Variants in KCNH1 observed in about 807,000 individuals in gnomAD.
KCNH1 encodes the protein potassium voltage-gated channel subfamily H member 1.
KCNH1 carries 27 observed loss-of-function variants against 69.2 expected under a neutral mutation model. That is an observed-to-expected ratio of 0.39 (90% confidence interval 0.29 to 0.54). KCNH1 has a LOEUF of 0.54. KCNH1 is among the 20% of genes least tolerant of loss of function. KCNH1 has a pLI of 0.68. For missense variants in KCNH1, 798 were observed against 1,261.6 expected (o/e 0.63, Z 5.57); for synonymous variants, 456 against 487.7 (o/e 0.93, Z 0.86).
intron 6 of KCNH1, among the ~76,000 whole-genome samples, chr1:210,961,849 A>G (rs72757598): frequency 6.6e-4 from 22 of 33,296 alleles, no homozygotes; most frequent in Admixed American, 1.7e-3. Flanking sequence ...AAAAAAAAAG[A>G]AAAAAAAAAA....
At chr1:211,065,862 C>T (rs1261382121) in intron 5 of KCNH1, among the ~76,000 whole-genome samples, 2 of 151,996 alleles carry the variant, frequency 1.3e-5, no homozygotes, top group Non-Finnish European at 2.9e-5. Flanking sequence ...GAGTTTGAGA[C>T]CAGCCTGGAC....
At chr1:210,996,223 C>A (rs1489506658) in intron 6 of KCNH1, among the ~76,000 whole-genome samples, 2 of 152,122 alleles carry the variant, frequency 1.3e-5, no homozygotes, top group Non-Finnish European at 2.9e-5. Context: ...TCAGGGAGTT[C>A]CCTTTCCTAG....
At chr1:210,758,600 C>T (rs1430760570) in intron 10 of KCNH1, among the ~76,000 whole-genome samples, 1 of 152,184 alleles carries the variant, frequency 6.6e-6, no homozygotes, top group Non-Finnish European at 1.5e-5. Flanking sequence ...CACAGCCCAT[C>T]AAAGTCCCCA....
At position 210,808,202 on chromosome 1, in the gene KCNH1, A is replaced by G. The variant is rs373522248; in HGVS notation, c.1463-4036T>C. Among the ~76,000 whole-genome samples, 4 of 152,184 alleles carry G rather than the reference A, an allele frequency of 2.6e-5. No individual in the cohort carries two copies. In the South Asian group the frequency reaches 6.2e-4, roughly 24 times the overall value. ...AGTCCTGCTTCAGCTCTGTTTTCTGATTCACAATGAACCAGGAGTCACAGG... is the reference window on the plus strand; with the variant it reads ...AGTCCTGCTTCAGCTCTGTTTTCTGGTTCACAATGAACCAGGAGTCACAGG... On this transcript the variant is annotated intron_variant, in intron 7 of 10. Transcript: ENST00000271751.
intron 9 of KCNH1, among the ~76,000 whole-genome samples, chr1:210,783,636 G>A (rs748498213): frequency 5.9e-5 from 9 of 152,174 alleles, no homozygotes; most frequent in Non-Finnish European, 1.3e-4. Context: ...GAATAAGGAT[G>A]TAAGCTAACT....
chr1:211,087,998 T>G (rs900850021), intron 4 of KCNH1, among the ~76,000 whole-genome samples: 4 of 152,100 alleles, frequency 2.6e-5, no homozygotes, highest in Admixed American at 2.6e-4. Flanking sequence ...GTGGGAAAAC[T>G]GGGGGCACAA....
At position 211,006,082 on chromosome 1, in the gene KCNH1, C is replaced by T. The variant is rs372341917; in HGVS notation, c.1032+12701G>A. Among the ~76,000 whole-genome samples the T allele has an allele frequency of 1.3e-4, 20 of 152,210 alleles. No individual in the cohort carries two copies. In the East Asian group the frequency reaches 2.7e-3, roughly 21 times the overall value. ...ACTCATTGGATTAGGTAGAATTAAG[C>T]AAACTGGAAACATCAGTGTTGGCAA... On this transcript the variant is annotated intron_variant, in intron 6 of 10. Coordinates refer to ENST00000271751, the MANE Select transcript of KCNH1 (RefSeq NM_172362.3).
intron 10 of KCNH1, among the ~76,000 whole-genome samples, chr1:210,725,199 C>T (rs1682557779): frequency 6.6e-6 from 1 of 152,142 alleles, no homozygotes; most frequent in African/African-American, 2.4e-5. Flanking sequence ...TCCCAATGCC[C>T]ATAGCCCGTA....
chr1:210,879,858 C>T lies in KCNH1; in HGVS notation c.1462+39782G>A, dbSNP rs545548481. 3.3e-5 allele frequency among the ~76,000 whole-genome samples: 5 copies of T among 151,872 alleles called. No homozygotes were observed. In the South Asian group the frequency reaches 1.0e-3, roughly 32 times the overall value. On this transcript the variant is annotated intron_variant, in intron 7 of 10. Transcript: ENST00000271751. ...TATGCAGAAAATCTGAAAGAACTGA[C>T]AAAAAAATCTTTTGGAATTAATAGA...
intron 3 of KCNH1, among the ~76,000 whole-genome samples, chr1:211,096,816 T>C (rs1691164562): frequency 6.6e-6 from 1 of 152,242 alleles, no homozygotes; most frequent in African/African-American, 2.4e-5. Flanking sequence ...CCAATAAATC[T>C]TTGAAATTAT....
intron 9 of KCNH1, among the ~76,000 whole-genome samples, chr1:210,790,157 C>T (rs1684185589): frequency 6.6e-6 from 1 of 152,218 alleles, no homozygotes; most frequent in Non-Finnish European, 1.5e-5. Context: ...CTATCTGTGT[C>T]TTTTTAAAAT....
At chr1:210,815,262 T>G (rs767005260) in intron 7 of KCNH1, among the ~76,000 whole-genome samples, 1 of 152,168 alleles carries the variant, frequency 6.6e-6, no homozygotes, top group South Asian at 2.1e-4. Context: ...CCTAATAAGG[T>G]TTTAGTATAA....
intron 10 of KCNH1, among the ~76,000 whole-genome samples, chr1:210,754,844 GCACA>G (rs3040180): frequency 0.35 from 51,366 of 148,674 alleles, 9,102 homozygotes; most frequent in East Asian, 0.67. Flanking sequence ...GTACACACGG[GCACA>G]CACACACACA....
chr1:211,132,714 T>C (rs1202845069), intron 1 of KCNH1: 1 of 152,174 alleles, frequency 6.6e-6, no homozygotes, highest in Non-Finnish European at 1.5e-5. Context: ...AATCGTGATA[T>C]TTACACATTA....
chr1:210,920,125 C>T, intron 6 of KCNH1, 56 bp from the exon 7 acceptor site: 1 of 1,479,202 alleles, frequency 6.8e-7, no homozygotes, highest in South Asian at 1.2e-5. Flanking sequence ...CTACTCTCGT[C>T]CCCTCCGCCC....
intron 9 of KCNH1, among the ~76,000 whole-genome samples, chr1:210,784,589 G>T (rs1684057087): frequency 6.6e-6 from 1 of 152,176 alleles, no homozygotes; most frequent in Admixed American, 6.5e-5. Context: ...GGCCTTGGCT[G>T]CAGGGACAGG....
chr1:210,780,202 C>T (rs1430295815), intron 9 of KCNH1, among the ~76,000 whole-genome samples: 8 of 152,074 alleles, frequency 5.3e-5, no homozygotes, highest in Non-Finnish European at 1.2e-4. Context: ...AAGTCTGGAA[C>T]GCTCCAGAGA....
intron 10 of KCNH1, among the ~76,000 whole-genome samples, chr1:210,722,534 A>C (rs1682495839): frequency 6.6e-6 from 1 of 152,166 alleles, no homozygotes; most frequent in Non-Finnish European, 1.5e-5. Context: ...GGTAGTGTTG[A>C]TGGCACAGAT....
intron 10 of KCNH1, among the ~76,000 whole-genome samples, chr1:210,703,985 G>A (rs541928960): frequency 2.6e-5 from 4 of 152,112 alleles, no homozygotes; most frequent in Non-Finnish European, 5.9e-5. Flanking sequence ...CATAGGCCAA[G>A]TGCTCTACGA....
Sources: allele counts gnomAD v4.1 joint callset (sites outside exome capture counted in the v4.1 genomes callset), GRCh38; gene constraint gnomAD v4.1.1; transcripts MANE v1.5; gene names NCBI Gene and HGNC (gene_info 2026-07-23, HGNC 2026-07-21).